Variants in KLK5 observed in about 807,000 individuals in gnomAD.
KLK5 encodes the protein kallikrein related peptidase 5.
KLK5 carries 18 observed loss-of-function variants against 24.0 expected under a neutral mutation model. The ratio of observed to expected loss-of-function variants is 0.75; its 90% CI spans 0.52 to 1.11. The LOEUF (loss-of-function observed/expected upper bound fraction) is 1.11, where lower values mean the gene tolerates loss of function less well. KLK5 is among the 50% of genes most tolerant of loss of function. The pLI, the probability that KLK5 is intolerant of heterozygous loss-of-function variation, is 0.00. For synonymous variants in KLK5, 140 were observed against 154.0 expected, an observed-to-expected ratio of 0.91 and a Z score of 0.67; for missense variants, 374 against 379.2, an observed-to-expected ratio of 0.99 and a Z score of 0.11.
intron 5 of KLK5, among the ~76,000 whole-genome samples, chr19:50,948,269 C>T (rs1406218107): frequency 1.3e-5 from 2 of 151,934 alleles, no homozygotes; most frequent in Non-Finnish European, 2.9e-5. Context: ...TTACAGGCGC[C>T]CGCCACCATG....
chr19:50,945,349 T>TC (rs2090622991), intron 5 of KLK5, among the ~76,000 whole-genome samples: 1 of 151,226 alleles, frequency 6.6e-6, no homozygotes. Flanking sequence ...GAACATGAGG[T>TC]CCACGCGGCA....
chr19:50,951,017 G>A (rs2090683123), intron 2 of KLK5, among the ~76,000 whole-genome samples: 2 of 152,092 alleles, frequency 1.3e-5, no homozygotes, highest in Non-Finnish European at 2.9e-5. Flanking sequence ...GCCTAGGGGC[G>A]TGGTTGAGGA....
chr19:50,948,594 G>A (rs574094046), intron 5 of KLK5, 46 bp downstream of exon 5: 4 of 1,603,652 alleles, frequency 2.5e-6, no homozygotes, highest in Middle Eastern at 1.7e-4. Flanking sequence ...ATGTTACCGA[G>A]TTGGCACTCA....
intron 2 of KLK5, among the ~76,000 whole-genome samples, chr19:50,952,261 A>G (rs962742281): frequency 6.6e-6 from 1 of 152,096 alleles, no homozygotes; most frequent in Non-Finnish European, 1.5e-5. Flanking sequence ...CCAGTGCTAC[A>G]TGCATTCACC....
intron 5 of KLK5, among the ~76,000 whole-genome samples, chr19:50,944,656 G>C (rs1379670803): frequency 1.3e-5 from 2 of 152,178 alleles, no homozygotes; most frequent in African/African-American, 2.4e-5. Context: ...TCTGAAGCTG[G>C]ATAATGGTTT....
chr19:50,943,518 G>T lies in KLK5; in HGVS notation c.*113C>A. ...GAGTCCAGGAGACATGGGGTCAGGG[G>T]CTGGAGAGATGAACATTCTCAACAT... On this transcript the variant is annotated 3_prime_UTR_variant, in exon 6 of 6. Coordinates refer to ENST00000336334, the MANE Select transcript of KLK5 (RefSeq NM_012427.5). The T allele has an allele frequency of 3.9e-6, 4 of 1,027,856 alleles. No individual in the cohort carries two copies. Among genetic ancestry groups the T allele is most frequent in the African/African-American group, 1.6e-5 (1 of 63,476 alleles). The allele number at this position is 1,027,856 out of a possible 1,614,324, so 63.7% of individuals were successfully genotyped here.
chr19:50,948,176 G>A (rs2090651529), intron 5 of KLK5, among the ~76,000 whole-genome samples: 1 of 151,442 alleles, frequency 6.6e-6, no homozygotes, highest in Non-Finnish European at 1.5e-5. Flanking sequence ...AGGTTGGAGT[G>A]AGTGGCACGA....
intron 2 of KLK5, among the ~76,000 whole-genome samples, chr19:50,951,902 C>T (rs747569513): frequency 2.0e-4 from 31 of 152,148 alleles, no homozygotes; most frequent in Non-Finnish European, 4.1e-4. Context: ...GAGATAGCTA[C>T]CCCTGCACCC....
In KLK5 at chr19:50,943,723, A is replaced by G; in HGVS notation, c.790T>C (p.Tyr264His). ...GGTCTGTTGGGCCGGGCACAAGGGT[A>G]ATCTCCCCAGGACACGAGTCCCTGC... ...SLQGLVSWGD[Y>H]PCARPNRPGV... The change falls in exon 6 of 6, where the codon TAC (tyrosine) becomes CAC (histidine). Residue 264 changes from tyrosine (Y) to histidine (H), a missense_variant. Physicochemically the swap from Tyr to His is moderately conservative, Grantham distance 83. Transcript: ENST00000336334. 2 of 1,613,904 alleles carry G rather than the reference A, an allele frequency of 1.2e-6. No homozygotes were observed. Among genetic ancestry groups the G allele is most frequent in the Non-Finnish European group, 1.7e-6 (2 of 1,179,898 alleles).
chr19:50,944,517 C>T (rs979446469), intron 5 of KLK5, among the ~76,000 whole-genome samples: 5 of 152,112 alleles, frequency 3.3e-5, no homozygotes, highest in African/African-American at 9.7e-5. Flanking sequence ...CCTGTGCAGG[C>T]CTTATTTCTC....
Position 50,948,701 on chromosome 19 carries a change from G to C in KLK5, c.665C>G (p.Pro222Arg). The change falls in exon 5 of 6, where the codon CCG (proline) becomes CGG (arginine). Residue 222 changes from proline to arginine, a missense_variant. Pro to Arg is a moderately radical substitution (Grantham distance 103). Coordinates refer to ENST00000336334, the MANE Select transcript of KLK5 (RefSeq NM_012427.5). ...GAACATGGTGTCATCTATCTGTCTC[G>C]GGTAAGCATCCTCGCACCTTTTCTG... is the stretch of plus-strand genomic sequence containing the variant. Reference protein sequence around the residue: ...LSQKRCEDAYPRQIDDTMFCA... With the variant: ...LSQKRCEDAYRRQIDDTMFCA... 1.2e-6 allele frequency: 2 copies of C among 1,614,106 alleles called. No homozygotes were observed. The highest frequency in any genetic ancestry group is 1.7e-6 in the Non-Finnish European group (2 of 1,180,020).
chr19:50,945,888 A>G (rs1215558680), intron 5 of KLK5, among the ~76,000 whole-genome samples: 1 of 152,226 alleles, frequency 6.6e-6, no homozygotes, highest in Non-Finnish European at 1.5e-5. Flanking sequence ...AAAAACAATT[A>G]GTATTTTTAT....
chr19:50,952,563 C>T, intron 2 of KLK5, 22 bp downstream of exon 2: 1 of 1,558,606 alleles, frequency 6.4e-7, no homozygotes, highest in Non-Finnish European at 8.8e-7. Context: ...CCACAACCCT[C>T]CCACCCCAGA....
rs183578707 is a variant in KLK5, at chr19:50,944,683, G to A, written c.727-897C>T. Among the ~76,000 whole-genome samples, 914 of 152,254 alleles carry A rather than the reference G, an allele frequency of 6.0e-3. 12 individuals carry two copies. Among genetic ancestry groups the A allele is most frequent in the South Asian group, 0.026 (127 of 4,818 alleles). ...TAATGGTTTGTTGTGGAGGCCTGCC[G>A]TGTGCATCATAGCATGTTGAACAGC... is the stretch of plus-strand genomic sequence containing the variant. On this transcript the variant is annotated intron_variant, in intron 5 of 5. Transcript: ENST00000336334.
At position 50,949,998 on chromosome 19, in the gene KLK5, G is replaced by C. The variant is rs2090672168; in HGVS notation, c.192C>G (p.Ser64Arg). Residue 64 changes from serine to arginine, a missense_variant, in exon 3 of 6, where the codon AGC becomes AGG. Ser to Arg is a moderately radical substitution (Grantham distance 110). Coordinates refer to ENST00000336334, the MANE Select transcript of KLK5 (RefSeq NM_012427.5). ...AGTCGGATCCATTGATGATGCGGCT[G>C]CTGCTGTCATCCGACCGGGCGTCTT... Reference protein sequence around the residue: ...AGEDARSDDSSSRIINGSDCD... With the variant: ...AGEDARSDDSRSRIINGSDCD... The C allele has an allele frequency of 1.2e-6, 2 of 1,613,572 alleles. No individual in the cohort carries two copies.
intron 5 of KLK5, among the ~76,000 whole-genome samples, chr19:50,944,771 ATG>A (rs992041994): frequency 6.6e-6 from 1 of 152,136 alleles, no homozygotes; most frequent in Non-Finnish European, 1.5e-5. Flanking sequence ...ACAACCAAAA[ATG>A]TCTCCTGGTA....
At chr19:50,949,794 T>TCC in intron 3 of KLK5, 61 bp downstream of exon 3, 1 of 109,256 alleles carries the variant, frequency 9.2e-6, no homozygotes, top group South Asian at 6.9e-5. Context: ...CACCCCCACT[T>TCC]CCCCACCCCC....
At chr19:50,952,432 G>A (rs2090695448) in intron 2 of KLK5, among the ~76,000 whole-genome samples, 153 bp downstream of exon 2, 1 of 152,024 alleles carries the variant, frequency 6.6e-6, no homozygotes, top group South Asian at 2.1e-4. Context: ...GGCCACATAC[G>A]ATCGCACAAC....
chr19:50,950,110 A>T lies in KLK5; in HGVS notation c.80T>A (p.Val27Asp). The T allele has an allele frequency of 1.2e-6, 2 of 1,608,590 alleles. No individual in the cohort carries two copies. Among genetic ancestry groups the T allele is most frequent in the Non-Finnish European group, 1.7e-6 (2 of 1,176,934 alleles). Reference protein sequence around the residue: ...TALLLGVTEHVLANNDVSCDH... With the variant: ...TALLLGVTEHDLANNDVSCDH... ...ACAGGAAACATCATTGTTGGCGAGA[A>T]CATGCTCTGGGAACGGAAAATGGGT... is the stretch of plus-strand genomic sequence containing the variant. The change falls in exon 3 of 6, where the codon GTT becomes GAT. Residue 27 changes from valine to aspartate, a missense_variant. Physicochemically the swap from Val to Asp is radical, Grantham distance 152. Coordinates refer to ENST00000336334, the MANE Select transcript of KLK5 (RefSeq NM_012427.5).
Sources: gnomAD v4.1 joint callset for allele counts (sites outside exome capture counted in the v4.1 genomes callset) on GRCh38, gnomAD v4.1.1 for gene constraint, MANE v1.5 for transcripts, NCBI Gene and HGNC (gene_info 2026-07-23, HGNC 2026-07-21) for gene names.